The following TRAPPC3 variants were observed in gnomAD, a reference collection of about 807,000 sequenced individuals.
The protein encoded by TRAPPC3 is trafficking protein particle complex subunit 3, also known as trafficking protein particle complex 3.
Under a neutral mutation model 18.2 loss-of-function variants are expected in TRAPPC3, and 5 were observed. The ratio of observed to expected loss-of-function variants is 0.28; its 90% CI spans 0.14 to 0.58. The LOEUF (loss-of-function observed/expected upper bound fraction) is 0.58. TRAPPC3 is among the 20% of genes least tolerant of loss of function. TRAPPC3 has a pLI of 0.91. For synonymous variants in TRAPPC3, 65 were observed against 84.2 expected, an observed-to-expected ratio of 0.77 and a Z score of 1.25; for missense variants, 176 against 225.9, an observed-to-expected ratio of 0.78 and a Z score of 1.41.
At chr1:36,149,545 C>T, upstream of TRAPPC3, 1 of 794,266 alleles carries the variant, frequency 1.3e-6, no homozygotes, top group East Asian at 2.7e-5. Flanking sequence ...GTCCGGCCGA[C>T]GTGGGCAACT....
upstream of TRAPPC3, among the ~76,000 whole-genome samples, chr1:36,152,905 G>T (rs1380894021): frequency 6.6e-6 from 1 of 152,182 alleles, no homozygotes; most frequent in Admixed American, 6.5e-5. Flanking sequence ...ACCTGCACTG[G>T]CCTCCCAAAG....
At position 36,141,845 on chromosome 1, in the gene TRAPPC3, C is replaced by T. The variant is rs1469528353; in HGVS notation, c.43-1679G>A. 2.0e-5 allele frequency among the ~76,000 whole-genome samples: 3 copies of T among 151,178 alleles called. No individual in the cohort carries two copies. In the East Asian group the frequency reaches 5.8e-4, roughly 29 times the overall value. Reference sequence around the variant, plus strand: ...TGGTGGCGCGTGCCTGTAATCCCAGCTACTCAGGAGGCTAAGGCAGGAGAA... The same window carrying T: ...TGGTGGCGCGTGCCTGTAATCCCAGTTACTCAGGAGGCTAAGGCAGGAGAA... On this transcript the variant is annotated intron_variant, in intron 1 of 4. Transcript: ENST00000373166.
chr1:36,138,222 ATT>A (rs1369210241), intron 3 of TRAPPC3: 24 of 1,545,080 alleles, frequency 1.6e-5, no homozygotes, highest in Non-Finnish European at 2.1e-5. Context: ...TCCCAGAAAC[ATT>A]TTTCTTTCCT....
chr1:36,146,929 A>G lies in TRAPPC3; in HGVS notation c.42+2408T>C, dbSNP rs146877067. ...ACAAAAGGGCTGTTTCTGTTTGCACAGACTAAAATCTAGTTACTTGGGCAT... is the reference window on the plus strand; with the variant it reads ...ACAAAAGGGCTGTTTCTGTTTGCACGGACTAAAATCTAGTTACTTGGGCAT... On this transcript the variant is annotated intron_variant, in intron 1 of 4. Coordinates refer to ENST00000373166, the MANE Select transcript of TRAPPC3 (RefSeq NM_014408.5). Among the ~76,000 whole-genome samples the G allele has an allele frequency of 1.6e-3, 250 of 152,354 alleles. 2 individuals carry two copies. The highest frequency in any genetic ancestry group is 6.8e-3 in the Middle Eastern group (2 of 294).
chr1:36,152,222 C>G (rs1016619518), upstream of TRAPPC3, among the ~76,000 whole-genome samples: 1 of 152,130 alleles, frequency 6.6e-6, no homozygotes, highest in African/African-American at 2.4e-5. Flanking sequence ...TCCTGCCCCA[C>G]CAAACTAGGA....
chr1:36,145,704 C>G (rs1292480028), intron 1 of TRAPPC3, among the ~76,000 whole-genome samples: 2 of 152,216 alleles, frequency 1.3e-5, no homozygotes. Context: ...CGTTACACTG[C>G]TAGCTTTACA....
upstream of TRAPPC3, among the ~76,000 whole-genome samples, chr1:36,154,358 A>G (rs111655864): frequency 0.081 from 12,249 of 152,062 alleles, 1,688 homozygotes; most frequent in African/African-American, 0.28. Flanking sequence ...CCATCCATCC[A>G]TCCATCTCCA....
chr1:36,139,717 G>T lies in TRAPPC3; in HGVS notation c.240+3C>A, dbSNP rs2124144816. ...GCATGGACAGGTGGCCCAGAATAAT[G>T]ACCTTGGCAATGACATCCGCAGTTT... is the stretch of plus-strand genomic sequence containing the variant. On this transcript the variant is annotated splice_donor_region_variant and intron_variant, in intron 3 of 4. Transcript: ENST00000373166. The T allele has an allele frequency of 6.2e-7, 1 of 1,614,034 alleles. No individual in the cohort carries two copies. Among genetic ancestry groups the T allele is most frequent in the Non-Finnish European group, 8.5e-7 (1 of 1,179,998 alleles).
chr1:36,150,352 T>A (rs569497663), upstream of TRAPPC3, among the ~76,000 whole-genome samples: 1 of 152,366 alleles, frequency 6.6e-6, no homozygotes, highest in South Asian at 2.1e-4. Flanking sequence ...ACGAAGGGAA[T>A]GTGCTGGCTG....
chr1:36,151,216 CAGAT>C (rs1644268893), upstream of TRAPPC3, among the ~76,000 whole-genome samples: 1 of 152,080 alleles, frequency 6.6e-6, no homozygotes, highest in South Asian at 2.1e-4. Flanking sequence ...CCTCCTCACT[CAGAT>C]AGGTTCTTAA....
chr1:36,149,138 G>A lies in TRAPPC3; in HGVS notation c.42+199C>T, dbSNP rs535042829. On this transcript the variant is annotated intron_variant, in intron 1 of 4. Coordinates refer to ENST00000373166, the MANE Select transcript of TRAPPC3 (RefSeq NM_014408.5). ...ACAGAGCTGCACTCAGGCCTTGGGGGCGGGGTCTCCTCCGGGGAACTTCTC... is the reference window on the plus strand; with the variant it reads ...ACAGAGCTGCACTCAGGCCTTGGGGACGGGGTCTCCTCCGGGGAACTTCTC... 4.8e-6 allele frequency: 7 copies of A among 1,452,870 alleles called. No individual in the cohort carries two copies. In the African/African-American group the frequency reaches 5.7e-5, roughly 12 times the overall value. 90.0% of individuals were successfully genotyped at this position (1,452,870 alleles called of 1,614,324 possible). A position where few individuals can be genotyped will look rare whatever the true frequency, so the allele number is the denominator to read the frequency against.
chr1:36,148,103 A>C (rs4653162), intron 1 of TRAPPC3, among the ~76,000 whole-genome samples: 92,907 of 152,076 alleles, frequency 0.61, 30,505 homozygotes, highest in Non-Finnish European at 0.76. Flanking sequence ...TCAATCAAGT[A>C]AGTCAGAATT....
At chr1:36,145,812 C>T (rs1220548797) in intron 1 of TRAPPC3, among the ~76,000 whole-genome samples, 4 of 152,322 alleles carry the variant, frequency 2.6e-5, no homozygotes, top group Non-Finnish European at 2.9e-5. Flanking sequence ...CTCGCACTGT[C>T]GCCCAGGCTG....
upstream of TRAPPC3, among the ~76,000 whole-genome samples, chr1:36,151,985 C>T (rs1026497790): frequency 1.4e-3 from 220 of 152,288 alleles, 1 homozygote; most frequent in African/African-American, 5.0e-3. Flanking sequence ...TGGTTAGAGA[C>T]CCCGTGTTGC....
intron 1 of TRAPPC3, 146 bp downstream of exon 1, chr1:36,149,191 C>G (rs539826389): frequency 6.6e-7 from 1 of 1,505,904 alleles, no homozygotes; most frequent in East Asian, 2.5e-5. Flanking sequence ...GCCTGGAACG[C>G]CCCCGGAGTG....
At chr1:36,154,224 C>T (rs770573190), upstream of TRAPPC3, among the ~76,000 whole-genome samples, 35 of 152,148 alleles carry the variant, frequency 2.3e-4, no homozygotes, top group Non-Finnish European at 4.7e-4. Context: ...AGGCTGATCT[C>T]GAACTCCTGA....
chr1:36,144,374 G>A (rs1361953286), intron 1 of TRAPPC3, among the ~76,000 whole-genome samples: 2 of 151,636 alleles, frequency 1.3e-5, no homozygotes, highest in African/African-American at 4.9e-5. Flanking sequence ...GCTGGGCATG[G>A]TGGCTCATGC....
chr1:36,137,525 A>G, intron 4 of TRAPPC3: 1 of 640,122 alleles, frequency 1.6e-6, no homozygotes, highest in Middle Eastern at 4.3e-4. Flanking sequence ...AAGAATACCC[A>G]AGAATGAGAC....
intron 1 of TRAPPC3, among the ~76,000 whole-genome samples, chr1:36,148,038 A>G (rs1455423342): frequency 1.3e-5 from 2 of 152,240 alleles, no homozygotes; most frequent in Admixed American, 1.3e-4. Flanking sequence ...ACACCATCCC[A>G]TTTAATATTA....
Sources: allele counts gnomAD v4.1 joint callset (sites outside exome capture counted in the v4.1 genomes callset), GRCh38; gene constraint gnomAD v4.1.1; transcripts MANE v1.5; gene names NCBI Gene and HGNC (gene_info 2026-07-23, HGNC 2026-07-21).